Variants in TTC39C observed in about 807,000 individuals in gnomAD.
TTC39C encodes the protein tetratricopeptide repeat protein 39C.
TTC39C carries 33 observed loss-of-function variants against 76.3 expected under a neutral mutation model. The observed-to-expected ratio is 0.43, with a 90% CI of 0.33 to 0.58. The LOEUF (loss-of-function observed/expected upper bound fraction) is 0.58, where lower values mean the gene tolerates loss of function less well. TTC39C is among the 20% of genes least tolerant of loss of function. TTC39C has a pLI of 0.04. For missense variants in TTC39C, 595 were observed against 701.4 expected, an observed-to-expected ratio of 0.85 and a Z score of 1.71; for synonymous variants, 254 against 260.6, an observed-to-expected ratio of 0.97 and a Z score of 0.24.
intron 1 of TTC39C, among the ~76,000 whole-genome samples, chr18:24,045,121 T>C (rs2083848326): frequency 6.6e-6 from 1 of 151,888 alleles, no homozygotes; most frequent in Non-Finnish European, 1.5e-5. Context: ...ATACAAAAAT[T>C]AGCCAGACAC....
intron 7 of TTC39C, among the ~76,000 whole-genome samples, chr18:24,116,619 G>A (rs770255923): frequency 4.5e-4 from 69 of 152,164 alleles, no homozygotes; most frequent in Non-Finnish European, 9.0e-4. Flanking sequence ...TGAATTTTCT[G>A]AAGTGTATAT....
intron 4 of TTC39C, among the ~76,000 whole-genome samples, chr18:24,076,276 G>T (rs531609407): frequency 6.6e-6 from 1 of 152,160 alleles, no homozygotes; most frequent in Non-Finnish European, 1.5e-5. Context: ...CACCGCGCCC[G>T]GCCTGCTCTG....
intron 1 of TTC39C, among the ~76,000 whole-genome samples, chr18:24,061,733 T>A (rs542346043): frequency 6.6e-6 from 1 of 151,924 alleles, no homozygotes; most frequent in South Asian, 2.1e-4. Flanking sequence ...TGAAACCCCG[T>A]CTGTATTAAA....
At chr18:24,013,385 C>T (rs2083409237), upstream of TTC39C, among the ~76,000 whole-genome samples, 1 of 152,060 alleles carries the variant, frequency 6.6e-6, no homozygotes, top group Non-Finnish European at 1.5e-5. Context: ...GTTGAAAATC[C>T]TGTATGGATT....
chr18:24,082,855 A>C, intron 5 of TTC39C, 58 bp from the exon 6 acceptor site: 1 of 1,500,528 alleles, frequency 6.7e-7, no homozygotes, highest in Non-Finnish European at 8.9e-7. Flanking sequence ...AGTTTTGAAA[A>C]ATGGAAATGG....
In TTC39C at chr18:24,040,289, G is replaced by A. The variant is rs186238619; in HGVS notation, c.168-23851G>A. 2.5e-3 allele frequency among the ~76,000 whole-genome samples: 374 copies of A among 152,268 alleles called. 1 individual carries two copies. The highest frequency in any genetic ancestry group is 8.6e-3 in the African/African-American group (356 of 41,536). On this transcript the variant is annotated intron_variant, in intron 1 of 13. Transcript: ENST00000317571. ...TTAATTTGACTTTCTTGCGTAAGCC[G>A]CATCTATAATATATTTCTGTGTCTT...
rs2085189853 is a variant in TTC39C at position 24,135,529 on chromosome 18, T to A, written c.*2955T>A. ...ACCTGTGAACTGATTGTGATCTGCT[T>A]GGTAACTTGGTTTGGTGTAAACTGC... On this transcript the variant is annotated 3_prime_UTR_variant, in exon 14 of 14. Coordinates refer to ENST00000317571, the MANE Select transcript of TTC39C (RefSeq NM_001135993.2). 6.5e-6 allele frequency: 1 copy of A among 153,300 alleles called. No individual in the cohort carries two copies. Among genetic ancestry groups the A allele is most frequent in the Admixed American group, 6.5e-5 (1 of 15,290 alleles). The allele number at this position is 153,300 out of a possible 1,614,324, so 9.5% of individuals were successfully genotyped here. A position where few individuals can be genotyped will look rare whatever the true frequency, so the allele number is the denominator to read the frequency against.
chr18:24,004,254 G>A (rs1406191571), intron 1 of TTC39C, among the ~76,000 whole-genome samples: 1 of 152,176 alleles, frequency 6.6e-6, no homozygotes, highest in Non-Finnish European at 1.5e-5. Context: ...ATGAGTCCCT[G>A]TGGCATCTAA....
chr18:23,995,601 A>G (rs1406427416), intron 1 of TTC39C, among the ~76,000 whole-genome samples: 2 of 152,092 alleles, frequency 1.3e-5, no homozygotes, highest in African/African-American at 4.8e-5. Flanking sequence ...GCTGGTATAG[A>G]TGTACTACAC....
intron 1 of TTC39C, among the ~76,000 whole-genome samples, chr18:24,048,020 A>G (rs2083907005): frequency 6.6e-6 from 1 of 152,226 alleles, no homozygotes; most frequent in Admixed American, 6.5e-5. Flanking sequence ...TATTTTATAC[A>G]TGGCATGTTT....
At chr18:24,125,714 T>A in intron 10 of TTC39C, 164 bp downstream of exon 10, 1 of 857,706 alleles carries the variant, frequency 1.2e-6, no homozygotes, top group Non-Finnish European at 1.8e-6. Context: ...GAAAATCCTG[T>A]CACTTAGGTG....
At chr18:24,125,809 T>C in intron 10 of TTC39C, 1 of 412,830 alleles carries the variant, frequency 2.4e-6, no homozygotes, top group Non-Finnish European at 4.4e-6. Flanking sequence ...ATTAATTCTG[T>C]AGCTGTGGGA....
At chr18:24,015,328 A>C in intron 1 of TTC39C, 1 of 283,076 alleles carries the variant, frequency 3.5e-6, no homozygotes, top group African/African-American at 2.2e-5. Flanking sequence ...GCCCTCCCAC[A>C]GACGTGCCCG....
chr18:24,022,492 A>G (rs1376632610), intron 1 of TTC39C: 2 of 925,746 alleles, frequency 2.2e-6, no homozygotes, highest in African/African-American at 3.6e-5. Context: ...ACTGGGCTGC[A>G]TGGCTCCAGA....
At chr18:24,045,871 T>C (rs1192149914) in intron 1 of TTC39C, among the ~76,000 whole-genome samples, 1 of 137,498 alleles carries the variant, frequency 7.3e-6, no homozygotes, top group East Asian at 2.1e-4. Flanking sequence ...GATAACATTT[T>C]AGGGTACTTC....
At chr18:24,101,873 A>G (rs2084680350) in intron 6 of TTC39C, among the ~76,000 whole-genome samples, 1 of 152,204 alleles carries the variant, frequency 6.6e-6, no homozygotes, top group Non-Finnish European at 1.5e-5. Context: ...ATAACATCTT[A>G]ACATAAGCAC....
intron 1 of TTC39C, among the ~76,000 whole-genome samples, chr18:23,997,629 AAG>A (rs966623266): frequency 6.8e-6 from 1 of 147,958 alleles, no homozygotes. Flanking sequence ...AAAGAAAAGA[AAG>A]AGAGGGAGGG....
upstream of TTC39C, among the ~76,000 whole-genome samples, chr18:24,011,195 A>G (rs545160104): frequency 6.6e-6 from 1 of 152,324 alleles, no homozygotes; most frequent in South Asian, 2.1e-4. Flanking sequence ...AGTTTGGGTG[A>G]AATAGGTTCT....
intron 1 of TTC39C, among the ~76,000 whole-genome samples, chr18:24,000,886 C>T (rs975704436): frequency 6.6e-6 from 1 of 152,088 alleles, no homozygotes; most frequent in Admixed American, 6.6e-5. Context: ...CAGAGACTGT[C>T]GTTACTTGTG....
Sources: allele counts gnomAD v4.1 joint callset (sites outside exome capture counted in the v4.1 genomes callset), GRCh38; gene constraint gnomAD v4.1.1; transcripts MANE v1.5; gene names NCBI Gene and HGNC (gene_info 2026-07-23, HGNC 2026-07-21).